CPM: variants seen among roughly 807,000 people sequenced by gnomAD.
The protein encoded by CPM is renal carboxypeptidase.
CPM carries 35 observed loss-of-function variants against 46.4 expected under a neutral mutation model. The ratio of observed to expected loss-of-function variants is 0.75; its 90% CI spans 0.58 to 1.00. CPM has a LOEUF of 1.00. CPM is among the 50% of genes least tolerant of loss of function. CPM has a pLI of 0.00. For synonymous variants in CPM, 195 were observed against 195.3 expected (o/e 1.00, Z 0.01); for missense variants, 422 against 530.4 (o/e 0.80, Z 2.01).
rs1050835698 is a variant in CPM, at chr12:68,913,964, T to A, written c.160+18714A>T. 7 of 719,710 alleles carry A rather than the reference T, an allele frequency of 9.7e-6. No individual in the cohort carries two copies. In the African/African-American group the frequency reaches 1.0e-4, roughly 11 times the overall value. The allele number at this position is 719,710 out of a possible 1,614,324, so 44.6% of individuals were successfully genotyped here. On this transcript the variant is annotated intron_variant, in intron 2 of 8. Transcript: ENST00000551568. ...ACAGATACACAGAATATCAAATTTG[T>A]GTTTGATGCAGCTACACAGATATTA...
At chr12:68,958,800 G>T (rs7296637) in intron 1 of CPM, among the ~76,000 whole-genome samples, 1 of 152,112 alleles carries the variant, frequency 6.6e-6, no homozygotes, top group Non-Finnish European at 1.5e-5. Context: ...CCTCTGAGAC[G>T]CTATATGAAC....
intron 8 of CPM, among the ~76,000 whole-genome samples, chr12:68,857,047 C>T (rs1364733072): frequency 6.6e-6 from 1 of 152,190 alleles, no homozygotes; most frequent in East Asian, 1.9e-4. Context: ...TAACATCCTC[C>T]TTGGATATCA....
Position 68,866,998 on chromosome 12 carries a change from A to G in CPM, c.838T>C (p.Leu280=), listed in dbSNP as rs556887389. The change falls in exon 7 of 9, where the codon TTG becomes CTG. Residue 280 remains leucine (L), a synonymous_variant. Transcript: ENST00000551568. ...GGATATTTACAGCATGACAGCTCCA[A>G]CGTAATTTCAAAACACTGGGCCCAG... ...YIWAQCFEIT[L]ELSCCKYPRE... is the part of the protein sequence containing the mutation. 16 of 1,614,170 alleles carry G rather than the reference A, an allele frequency of 9.9e-6. No homozygotes were observed. The African/African-American group carries it at 1.5e-4, about 15-fold the overall frequency.
chr12:68,863,194 A>G (rs1435332154), intron 7 of CPM, among the ~76,000 whole-genome samples: 1 of 152,184 alleles, frequency 6.6e-6, no homozygotes, highest in Non-Finnish European at 1.5e-5. Flanking sequence ...TCTGGAACTC[A>G]GCACATACCA....
At chr12:68,941,169 A>G (rs1355167939) in intron 1 of CPM, among the ~76,000 whole-genome samples, 1 of 95,610 alleles carries the variant, frequency 1.0e-5, no homozygotes, top group Non-Finnish European at 2.0e-5. Context: ...TGTGCTGAGT[A>G]CGTGTGTGTG....
At chr12:68,961,926 C>T (rs372827154) in intron 1 of CPM, among the ~76,000 whole-genome samples, 24 of 152,134 alleles carry the variant, frequency 1.6e-4, no homozygotes, top group East Asian at 3.9e-4. Flanking sequence ...AATGGCCGGG[C>T]GTGGTGGCTC....
At chr12:68,888,033 T>C (rs1191084501) in intron 2 of CPM, among the ~76,000 whole-genome samples, 2 of 152,224 alleles carry the variant, frequency 1.3e-5, no homozygotes, top group African/African-American at 4.8e-5. Flanking sequence ...CATTTTCATA[T>C]GAAACAAGGA....
At chr12:68,913,146 G>A (rs1887667477) in intron 2 of CPM, among the ~76,000 whole-genome samples, 1 of 152,158 alleles carries the variant, frequency 6.6e-6, no homozygotes, top group Non-Finnish European at 1.5e-5. Context: ...TCTTCCTCCA[G>A]GGGTGCTGCA....
chr12:68,878,669 T>C (rs989504978), intron 3 of CPM, among the ~76,000 whole-genome samples: 1 of 152,236 alleles, frequency 6.6e-6, no homozygotes, highest in African/African-American at 2.4e-5. Flanking sequence ...TGAGTAATAG[T>C]AAAACTCCGG....
chr12:68,891,803 C>T (rs1458690703), intron 2 of CPM, among the ~76,000 whole-genome samples: 7 of 151,982 alleles, frequency 4.6e-5, no homozygotes, highest in African/African-American at 1.7e-4. Context: ...TTAGAGTAAT[C>T]GCGGCTCACT....
intron 2 of CPM, among the ~76,000 whole-genome samples, chr12:68,915,291 T>A (rs1887759958): frequency 6.6e-6 from 1 of 152,190 alleles, no homozygotes; most frequent in Admixed American, 6.5e-5. Flanking sequence ...TTAAGGGAAC[T>A]TAGATGCTAA....
At chr12:68,862,140 T>C (rs1289253554) in intron 7 of CPM, among the ~76,000 whole-genome samples, 1 of 138,754 alleles carries the variant, frequency 7.2e-6, no homozygotes, top group Non-Finnish European at 1.6e-5. Context: ...CCCTCAAAGA[T>C]AGAAAAAGGA....
At chr12:68,945,354 A>T (rs373008277) in intron 1 of CPM, among the ~76,000 whole-genome samples, 16 of 152,218 alleles carry the variant, frequency 1.1e-4, no homozygotes, top group African/African-American at 3.6e-4. Flanking sequence ...TAGAAGCAAG[A>T]TGGAGTCAGT....
intron 3 of CPM, among the ~76,000 whole-genome samples, chr12:68,879,220 T>C (rs1189030561): frequency 4.6e-5 from 7 of 152,142 alleles, no homozygotes; most frequent in Admixed American, 4.6e-4. Context: ...TTAGTTAAAT[T>C]ATTTTACAAG....
chr12:68,872,010 A>T, intron 3 of CPM, 54 bp from the exon 4 acceptor site: 1 of 1,585,678 alleles, frequency 6.3e-7, no homozygotes, highest in Non-Finnish European at 8.6e-7. Context: ...CAATAAGGAA[A>T]GCACTCCCTA....
intron 2 of CPM, among the ~76,000 whole-genome samples, chr12:68,914,734 C>T (rs1203301217): frequency 6.6e-6 from 1 of 152,136 alleles, no homozygotes; most frequent in African/African-American, 2.4e-5. Context: ...GTCTCCTCAC[C>T]TATTGAAGTG....
At chr12:68,867,110 G>A (rs540791682) in intron 6 of CPM, 62 bp from the exon 7 acceptor site, 57 of 1,515,346 alleles carry the variant, frequency 3.8e-5, no homozygotes, top group South Asian at 3.4e-4. Flanking sequence ...CAAGTATCAC[G>A]TGCCTCGGGG....
At position 68,907,977 on chromosome 12, in the gene CPM, C is replaced by T. The variant is rs184766373; in HGVS notation, c.161-22088G>A. ...CCAAGTAGCTGGGATTACAGGCTCC[C>T]GCCACCACACCTGACTAATTTTTGT... On this transcript the variant is annotated intron_variant, in intron 2 of 8. Transcript: ENST00000551568. Among the ~76,000 whole-genome samples, 5 of 152,210 alleles carry T rather than the reference C, an allele frequency of 3.3e-5. No homozygotes were observed. The East Asian group carries it at 5.8e-4, about 18-fold the overall frequency.
chr12:68,882,099 A>C (rs1378893601), intron 3 of CPM, among the ~76,000 whole-genome samples: 1 of 149,982 alleles, frequency 6.7e-6, no homozygotes, highest in East Asian at 1.9e-4. Flanking sequence ...CTATAGGTAA[A>C]TGTTACAAGT....
Sources: gnomAD v4.1 joint callset for allele counts (sites outside exome capture counted in the v4.1 genomes callset) on GRCh38, gnomAD v4.1.1 for gene constraint, MANE v1.5 for transcripts, NCBI Gene and HGNC (gene_info 2026-07-23, HGNC 2026-07-21) for gene names.